The following ZNF680 variants were observed in gnomAD, a reference collection of about 807,000 sequenced individuals.
ZNF680 encodes the protein hypothetical protein FLJ90430.
In ZNF680, 6 loss-of-function variants were observed where a neutral mutation model predicts 12.1. The observed-to-expected ratio is 0.49, with a 90% CI of 0.27 to 0.98. The LOEUF (loss-of-function observed/expected upper bound fraction) is 0.98, where lower values mean the gene tolerates loss of function less well. Ranked by LOEUF, ZNF680 falls within the 50% of genes least tolerant of loss-of-function variation. The pLI, the probability that ZNF680 is intolerant of heterozygous loss-of-function variation, is 0.12. For missense variants in ZNF680, 561 were observed against 616.3 expected (o/e 0.91, Z 0.95); for synonymous variants, 170 against 199.3 (o/e 0.85, Z 1.24).
intron 3 of ZNF680, chr7:64,526,351 G>C: frequency 8.0e-7 from 1 of 1,254,744 alleles, no homozygotes; most frequent in Non-Finnish European, 1.0e-6. Flanking sequence ...AAAATAAAAG[G>C]TGACAGTGTT....
At chr7:64,506,202 T>A in the ZNF680 span, among the ~76,000 whole-genome samples, 1 of 150,794 alleles carries the variant, frequency 6.6e-6, no homozygotes, top group South Asian at 2.1e-4. Flanking sequence ...GATTTTTTTT[T>A]TTTTTTTTTT....
chr7:64,528,257 C>G (rs1458481176), intron 3 of ZNF680, among the ~76,000 whole-genome samples: 1 of 152,156 alleles, frequency 6.6e-6, no homozygotes, highest in Non-Finnish European at 1.5e-5. Context: ...AAGAAAACCT[C>G]CAGCTGAACT....
At chr7:64,554,149 T>C (rs1371398921) in intron 1 of ZNF680, among the ~76,000 whole-genome samples, 1 of 151,606 alleles carries the variant, frequency 6.6e-6, no homozygotes, top group African/African-American at 2.4e-5. Flanking sequence ...GGAGCGTCTC[T>C]GCCCGGCCGC....
chr7:64,554,788 G>A (rs370450187), intron 1 of ZNF680, among the ~76,000 whole-genome samples: 2 of 152,004 alleles, frequency 1.3e-5, no homozygotes, highest in Non-Finnish European at 1.5e-5. Context: ...GCTTGAAGGC[G>A]GCATACTCGT....
intron 1 of ZNF680, among the ~76,000 whole-genome samples, chr7:64,559,001 T>A (rs1444035854): frequency 6.6e-6 from 1 of 152,134 alleles, no homozygotes; most frequent in Non-Finnish European, 1.5e-5. Context: ...GGCTATTGGC[T>A]ACATTCCCAT....
intron 3 of ZNF680, among the ~76,000 whole-genome samples, chr7:64,533,859 T>G (rs995341654): frequency 6.6e-6 from 1 of 151,912 alleles, no homozygotes; most frequent in African/African-American, 2.4e-5. Flanking sequence ...AGAAATAAAC[T>G]CAAATACTTA....
intron 3 of ZNF680, among the ~76,000 whole-genome samples, chr7:64,534,383 T>C (rs889588399): frequency 6.6e-6 from 1 of 152,062 alleles, no homozygotes; most frequent in South Asian, 2.1e-4. Flanking sequence ...AAAGAAGATA[T>C]ACAAATGGCC....
chr7:64,554,982 A>C (rs1387202093), intron 1 of ZNF680, among the ~76,000 whole-genome samples: 1 of 152,080 alleles, frequency 6.6e-6, no homozygotes, highest in Non-Finnish European at 1.5e-5. Flanking sequence ...AAGAATGATC[A>C]ATAAATACTA....
chr7:64,541,614 T>C (rs963903750), intron 3 of ZNF680, among the ~76,000 whole-genome samples: 2 of 144,244 alleles, frequency 1.4e-5, no homozygotes, highest in Non-Finnish European at 3.1e-5. Flanking sequence ...GATTAAGGAG[T>C]GTTCTTTTCA....
At chr7:64,543,085 G>A (rs78903914) in intron 3 of ZNF680, among the ~76,000 whole-genome samples, 2,662 of 151,298 alleles carry the variant, frequency 0.018, 82 homozygotes, top group African/African-American at 0.06. Context: ...AATAATCTAT[G>A]GATTCAATGA....
chr7:64,537,008 T>C (rs986911934), intron 3 of ZNF680, among the ~76,000 whole-genome samples: 1 of 152,210 alleles, frequency 6.6e-6, no homozygotes, highest in African/African-American at 2.4e-5. Context: ...AGGCTGAGGC[T>C]GCAGTGAGCC....
At chr7:64,532,648 G>C (rs527635593) in intron 3 of ZNF680, among the ~76,000 whole-genome samples, 28 of 152,264 alleles carry the variant, frequency 1.8e-4, no homozygotes, top group African/African-American at 6.0e-4. Context: ...GACAGAGTAA[G>C]AGGGAACCCT....
intron 3 of ZNF680, among the ~76,000 whole-genome samples, chr7:64,530,880 T>A (rs57297484): frequency 0.25 from 33,236 of 134,244 alleles, 3,935 homozygotes; most frequent in South Asian, 0.34. Flanking sequence ...TTAAAAATAA[T>A]AATAATAATA....
chr7:64,531,423 G>A (rs1313136569), intron 3 of ZNF680, among the ~76,000 whole-genome samples: 10 of 151,722 alleles, frequency 6.6e-5, no homozygotes, highest in African/African-American at 2.2e-4. Context: ...GGGAAACCCC[G>A]TCCCTACTAA....
the ZNF680 span, among the ~76,000 whole-genome samples, chr7:64,511,032 G>A: frequency 6.6e-6 from 1 of 151,312 alleles, no homozygotes; most frequent in Non-Finnish European, 1.5e-5. Context: ...AGCACTTTGG[G>A]AGGCCAAGGC....
At chr7:64,519,671 T>C (rs1166721582), downstream of ZNF680, among the ~76,000 whole-genome samples, 1 of 151,848 alleles carries the variant, frequency 6.6e-6, no homozygotes, top group Non-Finnish European at 1.5e-5. Flanking sequence ...GCTTTTGCTA[T>C]GTGGAATCTA....
chr7:64,510,228 TAAAA>T, the ZNF680 span, among the ~76,000 whole-genome samples: 31 of 146,784 alleles, frequency 2.1e-4, no homozygotes, highest in East Asian at 6.1e-4. Flanking sequence ...AAATACGTAA[TAAAA>T]AAAAAAAAAA....
chr7:64,507,627 G>A, the ZNF680 span, among the ~76,000 whole-genome samples: 3 of 151,224 alleles, frequency 2.0e-5, no homozygotes, highest in South Asian at 2.1e-4. Context: ...TCAGCCTCCC[G>A]AGTAGCTGGG....
At chr7:64,547,944 C>T (rs551940216) in intron 1 of ZNF680, among the ~76,000 whole-genome samples, 50 of 152,306 alleles carry the variant, frequency 3.3e-4, no homozygotes, top group Admixed American at 3.1e-3. Flanking sequence ...AAACTAATTT[C>T]TTCTAATCAG....
Sources: allele counts gnomAD v4.1 joint callset (sites outside exome capture counted in the v4.1 genomes callset), GRCh38; gene constraint gnomAD v4.1.1; transcripts MANE v1.5; gene names NCBI Gene and HGNC (gene_info 2026-07-23, HGNC 2026-07-21).